UBAP2L: variants seen among roughly 807,000 people sequenced by gnomAD.
UBAP2L encodes the protein ubiquitin associated protein 2 like.
UBAP2L carries 12 observed loss-of-function variants against 130.6 expected under a neutral mutation model. The ratio of observed to expected loss-of-function variants is 0.09; its 90% confidence interval spans 0.06 to 0.15. UBAP2L has a LOEUF of 0.15. Among genes scored for constraint, UBAP2L ranks in the 10% least tolerant of loss-of-function variants. The pLI is 1.00. For missense variants in UBAP2L, 965 were observed against 1,332.5 expected (o/e 0.72, Z 4.29); for synonymous variants, 503 against 524.7 (o/e 0.96, Z 0.57).
intron 1 of UBAP2L, among the ~76,000 whole-genome samples, chr1:154,223,356 C>T (rs1391610575): frequency 1.3e-5 from 2 of 152,054 alleles, no homozygotes; most frequent in Non-Finnish European, 2.9e-5. Flanking sequence ...AGAAAACAGT[C>T]AATATTTGTA....
chr1:154,220,271 G>T, upstream of UBAP2L: 1 of 1,558,460 alleles, frequency 6.4e-7, no homozygotes, highest in Non-Finnish European at 8.9e-7. Context: ...TGCAGACGGG[G>T]TACAGCTCAA....
At chr1:154,265,981 C>T (rs1424039498) in intron 24 of UBAP2L, among the ~76,000 whole-genome samples, 1 of 152,130 alleles carries the variant, frequency 6.6e-6, no homozygotes, top group Non-Finnish European at 1.5e-5. Flanking sequence ...TGAGCTGAGG[C>T]TCTGAGAATG....
chr1:154,259,150 G>A (rs968662759), intron 21 of UBAP2L, 120 bp downstream of exon 21: 82 of 886,486 alleles, frequency 9.3e-5, no homozygotes, highest in African/African-American at 1.7e-5. Flanking sequence ...TCTGATTTAA[G>A]GCATATTAGA....
intron 21 of UBAP2L, chr1:154,259,736 C>G: frequency 4.2e-6 from 3 of 714,128 alleles, no homozygotes; most frequent in East Asian, 5.1e-5. Context: ...TGGGCATACC[C>G]GTAGACCTTG....
chr1:154,236,342 G>A (rs995884881), intron 6 of UBAP2L, among the ~76,000 whole-genome samples: 3 of 152,076 alleles, frequency 2.0e-5, no homozygotes, highest in Non-Finnish European at 4.4e-5. Flanking sequence ...GGGACTATAG[G>A]TGTGTGCCAC....
At position 154,270,704 on chromosome 1, in the gene UBAP2L, CAAAA is replaced by C; in HGVS notation, c.*413_*416del. ...TTAGGAAAACAACAACAACAACAAA[CAAAA>C]AAATGGCGTCATGAATATGAACAGC... On this transcript the variant is annotated 3_prime_UTR_variant, in exon 27 of 27. Transcript: ENST00000428931. 1 of 1,394,766 alleles carries C rather than the reference CAAAA, an allele frequency of 7.2e-7. No individual in the cohort carries two copies. The highest frequency in any genetic ancestry group is 1.7e-5 in the South Asian group (1 of 60,268). 86.4% of individuals were successfully genotyped at this position (1,394,766 alleles called of 1,614,324 possible). A position where few individuals can be genotyped will look rare whatever the true frequency, so the allele number is the denominator to read the frequency against.
chr1:154,244,055 A>T (rs1317708553), intron 10 of UBAP2L, among the ~76,000 whole-genome samples: 1 of 152,192 alleles, frequency 6.6e-6, no homozygotes, highest in East Asian at 1.9e-4. Flanking sequence ...AGCAGGATCC[A>T]GCTAATAAAC....
chr1:154,235,152 T>G (rs942237274), intron 5 of UBAP2L, 44 bp from the exon 6 acceptor site: 3 of 717,422 alleles, frequency 4.2e-6, no homozygotes, highest in African/African-American at 3.5e-5. Context: ...TGTGGTTTGG[T>G]TTTTTTGTTG....
At position 154,254,097 on chromosome 1, in the gene UBAP2L, CT is replaced by C; in HGVS notation, c.1854+10del. 6.6e-7 allele frequency: 1 copy of C among 1,520,356 alleles called. No homozygotes were observed. Among genetic ancestry groups the C allele is most frequent in the South Asian group, 1.3e-5 (1 of 76,568 alleles). 94.2% of individuals were successfully genotyped at this position (1,520,356 alleles called of 1,614,324 possible). On this transcript the variant is annotated intron_variant, in intron 15 of 26. Transcript: ENST00000428931. ...GACCTGACTCAGGCAAAGGTAGTGGCTTCATGAACCCTTGGGAATTGGTTAG... is the reference window on the plus strand; with the variant it reads ...GACCTGACTCAGGCAAAGGTAGTGGCTCATGAACCCTTGGGAATTGGTTAG...
chr1:154,220,577 A>C (rs1180209017), upstream of UBAP2L: 3 of 664,332 alleles, frequency 4.5e-6, no homozygotes, highest in East Asian at 2.7e-5. Context: ...CAGGCAGGAG[A>C]GCTGGGAAAG....
intron 18 of UBAP2L, 29 bp from the exon 19 acceptor site, chr1:154,257,034 T>TCTC: frequency 6.2e-7 from 1 of 1,601,240 alleles, no homozygotes; most frequent in Non-Finnish European, 8.5e-7. Flanking sequence ...CTTTTCTTCT[T>TCTC]CTCTCTTCCA....
chr1:154,260,079 TTGATGGCAGACACC>T, intron 22 of UBAP2L, 50 bp downstream of exon 22: 1 of 1,569,018 alleles, frequency 6.4e-7, no homozygotes, highest in South Asian at 1.1e-5. Flanking sequence ...AGTGTTGGGA[TTGATGGCAGACACC>T]TGATTGGTAG....
chr1:154,257,595 T>A, intron 20 of UBAP2L, 161 bp downstream of exon 20: 2 of 705,724 alleles, frequency 2.8e-6, no homozygotes, highest in Non-Finnish European at 4.6e-6. Flanking sequence ...TTGCATTCTG[T>A]AAATGTGGCC....
chr1:154,267,148 C>T (rs1029943804), intron 25 of UBAP2L, among the ~76,000 whole-genome samples: 2 of 145,048 alleles, frequency 1.4e-5, no homozygotes, highest in South Asian at 2.2e-4. Flanking sequence ...AAATATCCAA[C>T]GAGTTTTTTT....
intron 20 of UBAP2L, 31 bp from the exon 21 acceptor site, chr1:154,258,946 C>T (rs1571919411): frequency 5.6e-6 from 9 of 1,600,832 alleles, no homozygotes; most frequent in Non-Finnish European, 5.1e-6. Context: ...ATGACCAGTT[C>T]CTGTTATTGC....
intron 9 of UBAP2L, among the ~76,000 whole-genome samples, chr1:154,242,484 T>G (rs954703815): frequency 2.0e-5 from 3 of 152,252 alleles, no homozygotes; most frequent in African/African-American, 4.8e-5. Flanking sequence ...AGATTTGGCT[T>G]GTCCGCTTAA....
intron 24 of UBAP2L, among the ~76,000 whole-genome samples, chr1:154,265,208 G>A (rs1351875560): frequency 6.6e-6 from 1 of 152,176 alleles, no homozygotes; most frequent in Non-Finnish European, 1.5e-5. Context: ...GTTCAAGGTG[G>A]GCTTAACTTT....
At chr1:154,256,333 T>G (rs1452872605) in intron 18 of UBAP2L, among the ~76,000 whole-genome samples, 3 of 152,178 alleles carry the variant, frequency 2.0e-5, no homozygotes, top group African/African-American at 7.2e-5. Flanking sequence ...ATACACAGTT[T>G]CAGATTTAAA....
At chr1:154,263,820 A>C (rs1019206221) in intron 24 of UBAP2L, among the ~76,000 whole-genome samples, 1 of 152,208 alleles carries the variant, frequency 6.6e-6, no homozygotes, top group Non-Finnish European at 1.5e-5. Context: ...TTGGAGTGTC[A>C]TGTCATGGTG....
Sources: gnomAD v4.1 joint callset for allele counts (sites outside exome capture counted in the v4.1 genomes callset) on GRCh38, gnomAD v4.1.1 for gene constraint, MANE v1.5 for transcripts, NCBI Gene and HGNC (gene_info 2026-07-23, HGNC 2026-07-21) for gene names.